STT3B: variants seen among roughly 807,000 people sequenced by gnomAD.
STT3B encodes STT3 oligosaccharyltransferase complex catalytic subunit B, also known as dolichyl-diphosphooligosaccharide--protein glycosyltransferase subunit STT3B.
STT3B carries 29 observed loss-of-function variants against 96.8 expected under a neutral mutation model. The observed-to-expected ratio is 0.30, with a 90% CI of 0.22 to 0.41. The LOEUF (loss-of-function observed/expected upper bound fraction) is 0.41, where lower values mean the gene tolerates loss of function less well. STT3B is among the 10% of genes least tolerant of loss of function. STT3B has a pLI of 1.00. For synonymous variants in STT3B, 367 were observed against 360.0 expected (o/e 1.02, Z -0.22); for missense variants, 640 against 1,022.3 (o/e 0.63, Z 5.10).
chr3:31,600,510 A>G (rs1698905926), intron 5 of STT3B, 51 bp downstream of exon 5: 2 of 807,316 alleles, frequency 2.5e-6, no homozygotes, highest in Middle Eastern at 2.5e-4. Flanking sequence ...TTTTGTATTC[A>G]TTCATTTTAT....
At chr3:31,570,144 A>G (rs1408527271) in intron 1 of STT3B, among the ~76,000 whole-genome samples, 1 of 152,192 alleles carries the variant, frequency 6.6e-6, no homozygotes, top group East Asian at 1.9e-4. Flanking sequence ...AAAATTGAAG[A>G]CTACCTTTGT....
chr3:31,599,845 A>G (rs1213808728), intron 4 of STT3B, among the ~76,000 whole-genome samples: 2 of 152,294 alleles, frequency 1.3e-5, no homozygotes, highest in Middle Eastern at 3.4e-3. Context: ...TTAAGAAAAA[A>G]ATTCATGCCC....
intron 5 of STT3B, among the ~76,000 whole-genome samples, chr3:31,608,405 G>C (rs1011938436): frequency 6.9e-6 from 1 of 145,428 alleles, no homozygotes; most frequent in African/African-American, 2.6e-5. Flanking sequence ...TATTTTAGAG[G>C]TTATTGGGGT....
chr3:31,584,046 T>C (rs1253377679), intron 3 of STT3B, among the ~76,000 whole-genome samples: 1 of 152,234 alleles, frequency 6.6e-6, no homozygotes. Flanking sequence ...AGATTTTATA[T>C]GTCAAGTTCC....
At chr3:31,620,498 A>G (rs1251621891) in intron 9 of STT3B, among the ~76,000 whole-genome samples, 2 of 152,158 alleles carry the variant, frequency 1.3e-5, no homozygotes, top group Non-Finnish European at 2.9e-5. Context: ...TCCAGATTTC[A>G]GAGCAAAGAC....
chr3:31,632,910 C>G, intron 14 of STT3B, 25 bp from the exon 15 acceptor site: 1 of 1,602,602 alleles, frequency 6.2e-7, no homozygotes, highest in Non-Finnish European at 8.5e-7. Flanking sequence ...ATGGTTAACA[C>G]CCAATAATAA....
chr3:31,626,805 C>G (rs1226762964), intron 13 of STT3B, among the ~76,000 whole-genome samples: 1 of 152,124 alleles, frequency 6.6e-6, no homozygotes, highest in Non-Finnish European at 1.5e-5. Flanking sequence ...GGGACTGGTA[C>G]AAAATAGATA....
intron 1 of STT3B, among the ~76,000 whole-genome samples, chr3:31,542,184 A>G (rs1202125676): frequency 6.6e-6 from 1 of 152,214 alleles, no homozygotes; most frequent in East Asian, 1.9e-4. Context: ...ATAATCAGAT[A>G]AATGCAAAAT....
intron 12 of STT3B, 34 bp from the exon 13 acceptor site, chr3:31,625,920 C>G: frequency 3.3e-6 from 5 of 1,531,018 alleles, no homozygotes; most frequent in South Asian, 1.3e-5. Context: ...TGGGAATAAT[C>G]AAAAACATTC....
chr3:31,593,770 A>G (rs1196446278), intron 3 of STT3B, among the ~76,000 whole-genome samples: 1 of 151,986 alleles, frequency 6.6e-6, no homozygotes, highest in East Asian at 1.9e-4. Context: ...CTTTATGGAA[A>G]TTTTGTGTTA....
chr3:31,550,630 T>C (rs1454162719), intron 1 of STT3B, among the ~76,000 whole-genome samples: 1 of 152,252 alleles, frequency 6.6e-6, no homozygotes, highest in African/African-American at 2.4e-5. Context: ...ACTTAAACAC[T>C]GATAGGAATT....
chr3:31,581,010 A>C (rs550553903), intron 3 of STT3B, among the ~76,000 whole-genome samples: 4 of 152,164 alleles, frequency 2.6e-5, no homozygotes, highest in African/African-American at 9.6e-5. Flanking sequence ...TAATATTTTA[A>C]ATCATAAAAA....
chr3:31,608,048 T>C (rs1279319360), intron 5 of STT3B, among the ~76,000 whole-genome samples: 1 of 152,152 alleles, frequency 6.6e-6, no homozygotes, highest in African/African-American at 2.4e-5. Context: ...GCTGTACAGT[T>C]TTATGTTTGT....
At chr3:31,553,450 G>T (rs564222614) in intron 1 of STT3B, among the ~76,000 whole-genome samples, 1 of 152,280 alleles carries the variant, frequency 6.6e-6, no homozygotes, top group African/African-American at 2.4e-5. Flanking sequence ...AGAATAAACT[G>T]TTGGTATATG....
intron 1 of STT3B, among the ~76,000 whole-genome samples, chr3:31,549,399 T>G (rs1004885836): frequency 3.4e-4 from 51 of 152,216 alleles, no homozygotes; most frequent in Middle Eastern, 6.8e-3. Flanking sequence ...TATACATTGC[T>G]TATTTTGAGT....
chr3:31,586,900 G>A (rs368143451), intron 3 of STT3B, among the ~76,000 whole-genome samples: 14 of 152,080 alleles, frequency 9.2e-5, no homozygotes, highest in African/African-American at 2.4e-4. Context: ...CTTCTTTAAC[G>A]GAAAAGCCTT....
chr3:31,568,952 A>G (rs1698074225), intron 1 of STT3B, among the ~76,000 whole-genome samples: 1 of 152,100 alleles, frequency 6.6e-6, no homozygotes, highest in Non-Finnish European at 1.5e-5. Flanking sequence ...TACTGGATAC[A>G]CCTACCAGCT....
At chr3:31,609,040 G>A (rs549438278) in intron 5 of STT3B, among the ~76,000 whole-genome samples, 45 of 152,206 alleles carry the variant, frequency 3.0e-4, no homozygotes, top group African/African-American at 1.1e-3. Flanking sequence ...GCTTGAACCT[G>A]GGAGGCGGAG....
At chr3:31,537,324 G>A (rs1575401885) in intron 1 of STT3B, among the ~76,000 whole-genome samples, 1 of 152,184 alleles carries the variant, frequency 6.6e-6, no homozygotes, top group South Asian at 2.1e-4. Context: ...GTTGACCTCA[G>A]TTCTGAAGAA....
Sources: gnomAD v4.1 joint callset for allele counts (sites outside exome capture counted in the v4.1 genomes callset) on GRCh38, gnomAD v4.1.1 for gene constraint, MANE v1.5 for transcripts, NCBI Gene and HGNC (gene_info 2026-07-23, HGNC 2026-07-21) for gene names.